Variants in SLC17A3 observed in about 807,000 individuals in gnomAD.
The protein encoded by SLC17A3 is solute carrier family 17 member 3, also known as sodium-dependent phosphate transport protein 4.
In SLC17A3, 61 loss-of-function variants were observed where a neutral mutation model predicts 60.3. The ratio of observed to expected loss-of-function variants is 1.01; its 90% confidence interval spans 0.82 to 1.25. SLC17A3 has a LOEUF of 1.25. Among genes scored for constraint, SLC17A3 ranks in the 50% most tolerant of loss-of-function variants. The pLI is 0.00. For synonymous variants in SLC17A3, 192 were observed against 208.9 expected (o/e 0.92, Z 0.70); for missense variants, 624 against 594.9 (o/e 1.05, Z -0.51).
At chr6:25,863,529 T>C (rs1044834513) in intron 2 of SLC17A3, among the ~76,000 whole-genome samples, 1 of 152,096 alleles carries the variant, frequency 6.6e-6, no homozygotes, top group Non-Finnish European at 1.5e-5. Flanking sequence ...AAAAGGGACT[T>C]AGATCAATGA....
In SLC17A3 at chr6:25,861,668, C is replaced by T. The variant is rs746751670; in HGVS notation, c.581G>A (p.Gly194Asp). ...GGQFAIWEKW[G>D]PPQERSRLCS... ...GAGTCTGCTTCGTTCTTGTGGAGGGCCCCACTTTTCCCAAATTGCAAACTG... is the reference window on the plus strand; with the variant it reads ...GAGTCTGCTTCGTTCTTGTGGAGGGTCCCACTTTTCCCAAATTGCAAACTG... The change falls in exon 5 of 13, where the codon GGC becomes GAC. Residue 194 changes from glycine to aspartate, a missense_variant. Coordinates refer to ENST00000397060, the MANE Select transcript of SLC17A3 (RefSeq NM_001098486.2). 1.2e-6 allele frequency: 2 copies of T among 1,613,948 alleles called. No homozygotes were observed. The highest frequency in any genetic ancestry group is 1.7e-6 in the Non-Finnish European group (2 of 1,179,894).
At chr6:25,847,042 A>G (rs1765186129) in intron 11 of SLC17A3, among the ~76,000 whole-genome samples, 1 of 151,736 alleles carries the variant, frequency 6.6e-6, no homozygotes, top group African/African-American at 2.4e-5. Context: ...CTAGTCCCCA[A>G]TAGTTTTTTT....
intron 1 of SLC17A3, 44 bp from the exon 2 acceptor site, chr6:25,868,464 G>C: frequency 1.6e-6 from 2 of 1,227,680 alleles, no homozygotes; most frequent in Admixed American, 3.6e-5. Flanking sequence ...TTGAGAGAAA[G>C]AGACTCCCCG....
At chr6:25,859,431 A>G (rs1309815457) in intron 5 of SLC17A3, among the ~76,000 whole-genome samples, 1 of 152,158 alleles carries the variant, frequency 6.6e-6, no homozygotes, top group Non-Finnish European at 1.5e-5. Context: ...AGAAACTGAT[A>G]AATACTATAA....
chr6:25,866,332 T>G (rs1021943530), intron 2 of SLC17A3, among the ~76,000 whole-genome samples: 4 of 152,002 alleles, frequency 2.6e-5, no homozygotes, highest in Admixed American at 6.6e-5. Context: ...GCCAGAGCCC[T>G]CAGTCATACA....
chr6:25,849,471 G>A lies in SLC17A3; in HGVS notation c.1272-7C>T, dbSNP rs1765233586. 5 of 1,580,412 alleles carry A rather than the reference G, an allele frequency of 3.2e-6. No individual in the cohort carries two copies. Among genetic ancestry groups the A allele is most frequent in the Admixed American group, 3.3e-5 (2 of 59,948 alleles). ...CATGAGAAAACTGGAATACCTGTGGGTGACAGGAATGTTCCGGTCTAGATC... is the reference window on the plus strand; with the variant it reads ...CATGAGAAAACTGGAATACCTGTGGATGACAGGAATGTTCCGGTCTAGATC... On this transcript the variant is annotated splice_polypyrimidine_tract_variant and splice_region_variant and intron_variant, in intron 10 of 12. Coordinates refer to ENST00000397060, the MANE Select transcript of SLC17A3 (RefSeq NM_001098486.2).
intron 2 of SLC17A3, among the ~76,000 whole-genome samples, chr6:25,866,857 G>C (rs747347774): frequency 2.0e-5 from 3 of 151,966 alleles, no homozygotes; most frequent in Non-Finnish European, 4.4e-5. Context: ...GGTTACATAA[G>C]TGGAAAATAC....
At chr6:25,855,858 T>G (rs1192379443) in intron 5 of SLC17A3, among the ~76,000 whole-genome samples, 1 of 152,250 alleles carries the variant, frequency 6.6e-6, no homozygotes, top group Non-Finnish European at 1.5e-5. Flanking sequence ...ACATTAATAT[T>G]AAGTCATCAA....
chr6:25,870,625 C>T (rs980901359), intron 1 of SLC17A3, among the ~76,000 whole-genome samples: 2 of 151,998 alleles, frequency 1.3e-5, no homozygotes, highest in African/African-American at 4.8e-5. Context: ...CATTCTTGAA[C>T]TTGGTTATAT....
At chr6:25,857,285 T>G (rs1765372952) in intron 5 of SLC17A3, among the ~76,000 whole-genome samples, 2 of 152,218 alleles carry the variant, frequency 1.3e-5, no homozygotes, top group African/African-American at 4.8e-5. Context: ...AACTATTATT[T>G]TTTATTTCTT....
At chr6:25,872,145 T>C (rs1239461314) in intron 1 of SLC17A3, among the ~76,000 whole-genome samples, 4 of 152,162 alleles carry the variant, frequency 2.6e-5, no homozygotes, top group African/African-American at 7.2e-5. Flanking sequence ...ATTTTAACTT[T>C]ATGACTTCAT....
chr6:25,858,436 G>A (rs975386617), intron 5 of SLC17A3, among the ~76,000 whole-genome samples: 2 of 152,166 alleles, frequency 1.3e-5, no homozygotes, highest in African/African-American at 2.4e-5. Context: ...CCAGCAGCAT[G>A]TGGTACAGTT....
At chr6:25,854,258 G>T (rs1475945046) in intron 6 of SLC17A3, among the ~76,000 whole-genome samples, 1 of 152,058 alleles carries the variant, frequency 6.6e-6, no homozygotes, top group African/African-American at 2.4e-5. Flanking sequence ...ATCTTTAATT[G>T]TGGATTTGTT....
intron 1 of SLC17A3, among the ~76,000 whole-genome samples, chr6:25,871,893 G>A (rs1462684874): frequency 6.6e-6 from 1 of 151,840 alleles, no homozygotes; most frequent in Non-Finnish European, 1.5e-5. Context: ...TTATATCAGA[G>A]GGAAAAATTA....
intron 1 of SLC17A3, among the ~76,000 whole-genome samples, chr6:25,873,185 C>G (rs1425495496): frequency 6.6e-6 from 1 of 152,112 alleles, no homozygotes; most frequent in African/African-American, 2.4e-5. Flanking sequence ...AGAAAATGCA[C>G]TCTCATTATC....
intron 5 of SLC17A3, among the ~76,000 whole-genome samples, chr6:25,860,660 G>T (rs1765431856): frequency 6.6e-6 from 1 of 152,116 alleles, no homozygotes; most frequent in Admixed American, 6.6e-5. Context: ...TCTGGAACCT[G>T]CACCCTTTGT....
chr6:25,864,907 G>A (rs908241859), intron 2 of SLC17A3, among the ~76,000 whole-genome samples: 1 of 151,932 alleles, frequency 6.6e-6, no homozygotes, highest in Non-Finnish European at 1.5e-5. Context: ...ATAGATGGGG[G>A]AGGAACAAAC....
In SLC17A3 at chr6:25,874,207, G is replaced by A. The variant is rs1362592698; in HGVS notation, c.-74C>T. On this transcript the variant is annotated 5_prime_UTR_variant, in exon 1 of 13. In the 5' UTR this introduces an upstream ATG that the reference lacks. Coordinates refer to ENST00000397060, the MANE Select transcript of SLC17A3 (RefSeq NM_001098486.2). ...GGAAGGGCTTCAAGTTGAACCCAGCGTTTCCTCCAAGCTTACTCCCTTGGA... is the reference window on the plus strand; with the variant it reads ...GGAAGGGCTTCAAGTTGAACCCAGCATTTCCTCCAAGCTTACTCCCTTGGA... 6.6e-6 allele frequency: 1 copy of A among 152,086 alleles called. No homozygotes were observed. The highest frequency in any genetic ancestry group is 1.5e-5 in the Non-Finnish European group (1 of 68,006). The allele number at this position is 152,086 out of a possible 1,614,324, so 9.4% of individuals were successfully genotyped here.
intron 11 of SLC17A3, among the ~76,000 whole-genome samples, chr6:25,848,282 C>A (rs927919176): frequency 6.6e-6 from 1 of 152,162 alleles, no homozygotes; most frequent in African/African-American, 2.4e-5. Context: ...ATGGCTGGAT[C>A]AAACAGTAGT....
Sources: allele counts gnomAD v4.1 joint callset (sites outside exome capture counted in the v4.1 genomes callset), GRCh38; gene constraint gnomAD v4.1.1; transcripts MANE v1.5; gene names NCBI Gene and HGNC (gene_info 2026-07-23, HGNC 2026-07-21).